Variants in MTR observed in about 807,000 individuals in gnomAD.
MTR encodes the protein 5-methyltetrahydrofolate-homocysteine methyltransferase, also known as methionine synthase.
Under a neutral mutation model 154.8 loss-of-function variants are expected in MTR, and 84 were observed. The observed-to-expected ratio is 0.54, with a 90% confidence interval of 0.45 to 0.65. The LOEUF (loss-of-function observed/expected upper bound fraction) is 0.65. Among genes scored for constraint, MTR ranks in the 30% least tolerant of loss-of-function variants. The probability of loss-of-function intolerance (pLI) is 0.00; values close to 1 mark genes in which losing one functional copy is unlikely to be tolerated. For synonymous variants in MTR, 554 were observed against 553.9 expected (o/e 1.00, Z 0.00); for missense variants, 1,275 against 1,570.2 (o/e 0.81, Z 3.18).
intron 18 of MTR, among the ~76,000 whole-genome samples, chr1:236,854,591 G>A (rs549078950): frequency 2.8e-4 from 43 of 152,182 alleles, no homozygotes; most frequent in African/African-American, 8.7e-4. Context: ...AAGGCCAAAG[G>A]GGCATCATAG....
At chr1:236,878,138 GCTAT>G (rs1482159152) in intron 24 of MTR, among the ~76,000 whole-genome samples, 3 of 151,806 alleles carry the variant, frequency 2.0e-5, no homozygotes, top group South Asian at 4.2e-4. Flanking sequence ...CTTGCCTTTT[GCTAT>G]CTTAGTGCTG....
intron 26 of MTR, 88 bp downstream of exon 26, chr1:236,885,307 T>G (rs1276425831): frequency 8.1e-6 from 7 of 867,126 alleles, no homozygotes; most frequent in Non-Finnish European, 1.3e-5. Flanking sequence ...AAAATGGTTT[T>G]GAGGAGTGTA....
intron 1 of MTR, among the ~76,000 whole-genome samples, chr1:236,801,212 G>T (rs1210549521): frequency 6.6e-6 from 1 of 152,078 alleles, no homozygotes; most frequent in African/African-American, 2.4e-5. Flanking sequence ...AAGTACTTTT[G>T]TACAGATCAT....
At position 236,902,456 on chromosome 1, in the gene MTR, C is replaced by T. The variant is rs1468657393; in HGVS notation, c.*4812C>T. On this transcript the variant is annotated 3_prime_UTR_variant, in exon 33 of 33. Transcript: ENST00000366577. ...AGGGCAGGTTTGGAACCTTACTCAT[C>T]TTTATATGGCGTCTAAAATAGTGCT... 1 of 152,230 alleles carries T rather than the reference C, an allele frequency of 6.6e-6. No individual in the cohort carries two copies. The highest frequency in any genetic ancestry group is 2.4e-5 in the African/African-American group (1 of 41,448). 9.4% of individuals were successfully genotyped at this position (152,230 alleles called of 1,614,324 possible).
chr1:236,858,844 C>T (rs1233064660), intron 18 of MTR, among the ~76,000 whole-genome samples: 1 of 152,176 alleles, frequency 6.6e-6, no homozygotes, highest in Non-Finnish European at 1.5e-5. Context: ...ATCAGGTGTG[C>T]CATGATCATT....
Position 236,891,536 on chromosome 1 carries a change from A to G in MTR, c.3204+207A>G, listed in dbSNP as rs545733172. 5.9e-5 allele frequency among the ~76,000 whole-genome samples: 9 copies of G among 152,232 alleles called. No individual in the cohort carries two copies. In the South Asian group the frequency reaches 1.9e-3, roughly 32 times the overall value. ...CGCCACCATGGGTGTCAGAGGCAGG[A>G]CCACTCAGCAGGAGTGAGGCGTTTA... On this transcript the variant is annotated intron_variant, in intron 29 of 32. Coordinates refer to ENST00000366577, the MANE Select transcript of MTR (RefSeq NM_000254.3).
intron 18 of MTR, among the ~76,000 whole-genome samples, chr1:236,858,367 A>G (rs1664324880): frequency 6.6e-6 from 1 of 152,190 alleles, no homozygotes; most frequent in Non-Finnish European, 1.5e-5. Context: ...ACCCGTCTCC[A>G]TGATTCAGTT....
intron 1 of MTR, among the ~76,000 whole-genome samples, chr1:236,796,848 A>G (rs182174173): frequency 1.6e-4 from 25 of 152,098 alleles, no homozygotes; most frequent in Non-Finnish European, 4.4e-5. Context: ...ATAAATGATC[A>G]TAGGGAGATC....
intron 19 of MTR, 147 bp downstream of exon 19, chr1:236,860,069 G>GCCCCCCCCCCC (rs59525673): frequency 2.6e-5 from 7 of 270,584 alleles, no homozygotes; most frequent in African/African-American, 9.0e-5. Context: ...TCCCCCAGCT[G>GCCCCCCCCCCC]CCCCCCCCCC....
At chr1:236,798,285 A>G (rs1294491491) in intron 1 of MTR, among the ~76,000 whole-genome samples, 1 of 152,236 alleles carries the variant, frequency 6.6e-6, no homozygotes, top group Non-Finnish European at 1.5e-5. Context: ...ACTGCAATTT[A>G]TAACTTACAT....
At chr1:236,811,989 T>C (rs1661333364) in intron 5 of MTR, among the ~76,000 whole-genome samples, 1 of 152,232 alleles carries the variant, frequency 6.6e-6, no homozygotes, top group Non-Finnish European at 1.5e-5. Flanking sequence ...TGAGCGATTA[T>C]CCTGTCTCAC....
intron 18 of MTR, among the ~76,000 whole-genome samples, chr1:236,858,101 A>G (rs961391630): frequency 2.0e-5 from 3 of 152,202 alleles, no homozygotes; most frequent in Non-Finnish European, 4.4e-5. Context: ...CAGAAGAGAA[A>G]GCCAGATCAG....
At chr1:236,865,717 G>C (rs1664785546) in intron 22 of MTR, among the ~76,000 whole-genome samples, 1 of 152,126 alleles carries the variant, frequency 6.6e-6, no homozygotes, top group Admixed American at 6.6e-5. Flanking sequence ...TATTCACCAA[G>C]AATCTAGTAT....
rs561979129 is a variant in MTR at position 236,880,318 on chromosome 1, C to T, written c.2595-437C>T. ...CATGAATAGGGGAGCAGCTGCTAGA[C>T]AGCCATATCCTGTGTCCTCTGCCTG... On this transcript the variant is annotated intron_variant, in intron 24 of 32. Transcript: ENST00000366577. Among the ~76,000 whole-genome samples, 8 of 152,292 alleles carry T rather than the reference C, an allele frequency of 5.3e-5. No individual in the cohort carries two copies. In the East Asian group the frequency reaches 1.4e-3, roughly 26 times the overall value.
At chr1:236,878,011 T>C (rs1665525507) in intron 24 of MTR, among the ~76,000 whole-genome samples, 1 of 152,242 alleles carries the variant, frequency 6.6e-6, no homozygotes, top group Non-Finnish European at 1.5e-5. Context: ...TAAATATTTT[T>C]AAAAATTGGG....
chr1:236,807,032 A>C, intron 3 of MTR, among the ~76,000 whole-genome samples: 1 of 152,176 alleles, frequency 6.6e-6, no homozygotes, highest in East Asian at 1.9e-4. Flanking sequence ...TGAATATGCA[A>C]TGTTGCTATA....
At chr1:236,883,069 G>C (rs1346530618) in intron 25 of MTR, among the ~76,000 whole-genome samples, 2 of 152,172 alleles carry the variant, frequency 1.3e-5, no homozygotes, top group African/African-American at 4.8e-5. Context: ...TGGAGATTTA[G>C]ACCCTTGCTT....
chr1:236,840,789 TA>T (rs1663185229), intron 15 of MTR, among the ~76,000 whole-genome samples: 3 of 152,240 alleles, frequency 2.0e-5, no homozygotes, highest in Non-Finnish European at 2.9e-5. Context: ...TCTAATTTTT[TA>T]GTAGCATGAA....
chr1:236,806,331 C>A, intron 3 of MTR, 98 bp downstream of exon 3: 2 of 935,370 alleles, frequency 2.1e-6, no homozygotes, highest in Non-Finnish European at 3.5e-6. Flanking sequence ...CAGAGTCAAG[C>A]TAATGCCTAG....
Sources: allele counts gnomAD v4.1 joint callset (sites outside exome capture counted in the v4.1 genomes callset), GRCh38; gene constraint gnomAD v4.1.1; transcripts MANE v1.5; gene names NCBI Gene and HGNC (gene_info 2026-07-23, HGNC 2026-07-21).